KCNB2: variants seen among roughly 807,000 people sequenced by gnomAD.
KCNB2 encodes delayed rectifier potassium channel protein.
Under a neutral mutation model 61.5 loss-of-function variants are expected in KCNB2, and 15 were observed. The observed-to-expected ratio is 0.24, with a 90% CI of 0.16 to 0.38. KCNB2 has a LOEUF of 0.38. Among genes scored for constraint, KCNB2 ranks in the 10% least tolerant of loss-of-function variants. KCNB2 has a pLI of 1.00. For synonymous variants in KCNB2, 457 were observed against 446.0 expected, an observed-to-expected ratio of 1.02 and a Z score of -0.31; for missense variants, 828 against 1,125.2, an observed-to-expected ratio of 0.74 and a Z score of 3.78.
At chr8:72,733,595 A>G (rs1372277938) in intron 2 of KCNB2, among the ~76,000 whole-genome samples, 1 of 152,160 alleles carries the variant, frequency 6.6e-6, no homozygotes, top group Admixed American at 6.5e-5. Context: ...CAGCAGACTC[A>G]ATGAAGTTTT....
intron 2 of KCNB2, among the ~76,000 whole-genome samples, chr8:72,705,791 T>G (rs1807214244): frequency 6.6e-6 from 1 of 152,192 alleles, no homozygotes; most frequent in Non-Finnish European, 1.5e-5. Flanking sequence ...AATGAAGTGA[T>G]TGTTACCAGG....
chr8:72,557,851 G>A (rs980001464), intron 1 of KCNB2, among the ~76,000 whole-genome samples: 2 of 152,170 alleles, frequency 1.3e-5, no homozygotes, highest in Admixed American at 6.5e-5. Context: ...ATATGTACAA[G>A]TTGTTCTCTA....
chr8:72,908,893 A>C (rs1728969861), intron 2 of KCNB2, among the ~76,000 whole-genome samples: 1 of 152,202 alleles, frequency 6.6e-6, no homozygotes, highest in African/African-American at 2.4e-5. Context: ...ACTTGAACCA[A>C]GGGCTGATTC....
At chr8:72,622,499 C>G (rs1411615884) in intron 2 of KCNB2, among the ~76,000 whole-genome samples, 2 of 152,156 alleles carry the variant, frequency 1.3e-5, no homozygotes, top group African/African-American at 4.8e-5. Flanking sequence ...CATCTTCGTA[C>G]AGCTGCACAG....
chr8:72,937,533 A>T lies in KCNB2; in HGVS notation c.2178A>T (p.Ala726=), dbSNP rs142525254. The stretch of plus-strand genomic sequence containing the variant: ...ACTTTAAGGAAAATAGAGGCAGTGC[A>T]CCACAGACCCCGCCCAGCACAGCCA... ...KVNFKENRGS[A]PQTPPSTARP... is the part of the protein sequence containing the mutation. The change falls in exon 3 of 3, where the codon GCA becomes GCT. Residue 726 remains alanine, a synonymous_variant. Coordinates refer to ENST00000523207, the MANE Select transcript of KCNB2 (RefSeq NM_004770.3). The T allele has an allele frequency of 6.2e-7, 1 of 1,613,836 alleles. No homozygotes were observed. The highest frequency in any genetic ancestry group is 8.5e-7 in the Non-Finnish European group (1 of 1,179,930).
intron 2 of KCNB2, among the ~76,000 whole-genome samples, chr8:72,804,028 G>C (rs1174035460): frequency 6.6e-6 from 1 of 152,212 alleles, no homozygotes; most frequent in African/African-American, 2.4e-5. Context: ...GAGTGGACAT[G>C]GCGGGAGAGG....
At chr8:72,550,196 G>A (rs1426933891) in intron 1 of KCNB2, among the ~76,000 whole-genome samples, 1 of 152,210 alleles carries the variant, frequency 6.6e-6, no homozygotes, top group Non-Finnish European at 1.5e-5. Flanking sequence ...AAGGGCACTT[G>A]CCAGTAATAG....
intron 2 of KCNB2, among the ~76,000 whole-genome samples, chr8:72,775,206 A>G (rs1323358454): frequency 6.6e-6 from 1 of 152,168 alleles, no homozygotes; most frequent in African/African-American, 2.4e-5. Context: ...CCTGGAACAG[A>G]CAGTGACTGA....
intron 1 of KCNB2, among the ~76,000 whole-genome samples, chr8:72,557,294 A>T (rs1806444533): frequency 6.6e-6 from 1 of 152,192 alleles, no homozygotes; most frequent in Admixed American, 6.5e-5. Context: ...GAGGCTTCAC[A>T]TGGAAATACA....
chr8:72,595,349 A>T (rs1256595027), intron 2 of KCNB2, among the ~76,000 whole-genome samples: 1 of 147,050 alleles, frequency 6.8e-6, no homozygotes, highest in Non-Finnish European at 1.5e-5. Context: ...TTTTTAAGAC[A>T]GAGTCTCACT....
At chr8:72,561,731 A>ATATATGT (rs1806525887) in intron 1 of KCNB2, among the ~76,000 whole-genome samples, 2 of 21,358 alleles carry the variant, frequency 9.4e-5, no homozygotes, top group African/African-American at 1.8e-4. Context: ...ATATATATCT[A>ATATATGT]TATCTATATA....
intron 2 of KCNB2, among the ~76,000 whole-genome samples, chr8:72,772,463 G>T (rs1474468245): frequency 2.6e-5 from 4 of 152,162 alleles, no homozygotes; most frequent in Admixed American, 1.3e-4. Flanking sequence ...CTGGGTTAAG[G>T]GGGTAGCTCC....
chr8:72,593,043 A>C (rs1014907714), intron 2 of KCNB2, among the ~76,000 whole-genome samples: 43 of 152,304 alleles, frequency 2.8e-4, no homozygotes, highest in African/African-American at 9.4e-4. Context: ...TTCTTTTATA[A>C]AGTTGTCCTA....
intron 2 of KCNB2, among the ~76,000 whole-genome samples, chr8:72,708,010 G>A (rs74353600): frequency 1.2e-3 from 181 of 152,278 alleles, no homozygotes; most frequent in African/African-American, 3.8e-3. Flanking sequence ...CAGAAGGACT[G>A]TGTATAGAGA....
intron 2 of KCNB2, among the ~76,000 whole-genome samples, chr8:72,671,093 T>C (rs2246437): frequency 0.26 from 40,227 of 152,136 alleles, 9,503 homozygotes; most frequent in African/African-American, 0.64. Context: ...ATTTGACAGA[T>C]GTTTTATGCA....
intron 2 of KCNB2, among the ~76,000 whole-genome samples, chr8:72,749,958 T>C (rs2243412): frequency 1 from 150,823 of 151,004 alleles, 75,322 homozygotes; most frequent in Middle Eastern, 1. Context: ...GTAATATCTA[T>C]GTGCCCCTTC....
chr8:72,626,663 C>T (rs1409895455), intron 2 of KCNB2, among the ~76,000 whole-genome samples: 1 of 152,164 alleles, frequency 6.6e-6, no homozygotes, highest in Admixed American at 6.5e-5. Context: ...CCTTAGAAAG[C>T]CTAAGACACA....
intron 2 of KCNB2, among the ~76,000 whole-genome samples, chr8:72,728,925 G>A (rs554458968): frequency 3.3e-5 from 5 of 152,314 alleles, no homozygotes; most frequent in Non-Finnish European, 5.9e-5. Context: ...TAAAACTTTA[G>A]TGTTAGGAAA....
intron 2 of KCNB2, among the ~76,000 whole-genome samples, chr8:72,802,244 G>T (rs565207148): frequency 6.6e-6 from 1 of 152,278 alleles, no homozygotes; most frequent in South Asian, 2.1e-4. Flanking sequence ...AACAATTTGC[G>T]AGGGCTTTGA....
Sources: allele counts gnomAD v4.1 joint callset (sites outside exome capture counted in the v4.1 genomes callset), GRCh38; gene constraint gnomAD v4.1.1; transcripts MANE v1.5; gene names NCBI Gene and HGNC (gene_info 2026-07-23, HGNC 2026-07-21).